CFAP61: variants seen among roughly 807,000 people sequenced by gnomAD.
CFAP61 encodes cilia- and flagella-associated protein 61.
A neutral mutation model predicts 135.6 loss-of-function variants in CFAP61; 107 were observed. That is an observed-to-expected ratio of 0.79 (90% CI 0.67 to 0.93). CFAP61 has a LOEUF of 0.93. CFAP61 is among the 40% of genes least tolerant of loss of function. The pLI, the probability that CFAP61 is intolerant of heterozygous loss-of-function variation, is 0.00. For missense variants in CFAP61, 1,507 were observed against 1,556.2 expected (o/e 0.97, Z 0.53); for synonymous variants, 575 against 578.5 (o/e 0.99, Z 0.09).
At chr20:20,320,421 T>TA (rs2057417332) in intron 25 of CFAP61, among the ~76,000 whole-genome samples, 1 of 62,442 alleles carries the variant, frequency 1.6e-5, no homozygotes, top group East Asian at 5.3e-4. Context: ...TAATATATAT[T>TA]ATATATGTAA....
chr20:20,095,440 TG>T (rs1270269344), intron 7 of CFAP61: 1 of 152,278 alleles, frequency 6.6e-6, no homozygotes, highest in Non-Finnish European at 1.5e-5. Context: ...GCAGCATGCC[TG>T]AGGGCAAGGC....
Position 20,180,246 on chromosome 20 carries a change from G to A in CFAP61, c.1386-7684G>A, listed in dbSNP as rs550698145. ...GAGGAGGCTGAGGCAGGAGAATGGC[G>A]TGAACCCGCAAGGTGGAGCTTGCAG... On this transcript the variant is annotated intron_variant, in intron 13 of 26. Coordinates refer to ENST00000245957, the MANE Select transcript of CFAP61 (RefSeq NM_015585.4). Among the ~76,000 whole-genome samples the A allele has an allele frequency of 6.7e-4, 102 of 151,864 alleles. 1 individual carries two copies. Among genetic ancestry groups the A allele is most frequent in the African/African-American group, 2.2e-3 (91 of 41,426 alleles).
In CFAP61 at chr20:20,288,950, C is replaced by T. The variant is rs1468368385; in HGVS notation, c.3124+14C>T. ...CCAAGATTCAAGGTATACGAGTAGG[C>T]TTCCTTCTCCTTGATGAAGCCACAG... On this transcript the variant is annotated intron_variant, in intron 23 of 26. Transcript: ENST00000245957. 1.9e-6 allele frequency: 3 copies of T among 1,587,010 alleles called. No homozygotes were observed. Among genetic ancestry groups the T allele is most frequent in the South Asian group, 2.2e-5 (2 of 89,328 alleles).
chr20:20,081,860 T>G (rs181529755), intron 6 of CFAP61, among the ~76,000 whole-genome samples: 1 of 152,316 alleles, frequency 6.6e-6, no homozygotes, highest in African/African-American at 2.4e-5. Flanking sequence ...GTGGGTACTT[T>G]GCAGTGAGGA....
chr20:20,090,947 G>T lies in CFAP61; in HGVS notation c.670G>T (p.Asp224Tyr), dbSNP rs1012240016. ...YFLAELIEAQ[D>Y]EENHAVVCEV... ...CCTGGCCGAACTAATAGAGGCCCAA[G>T]ATGAAGAGAATCATGCTGTTGTGTG... Residue 224 changes from aspartate to tyrosine, a missense_variant, in exon 7 of 27, where the codon GAT (aspartate) becomes TAT (tyrosine). Coordinates refer to ENST00000245957, the MANE Select transcript of CFAP61 (RefSeq NM_015585.4). 6 of 1,614,040 alleles carry T rather than the reference G, an allele frequency of 3.7e-6. No homozygotes were observed. The highest frequency in any genetic ancestry group is 1.3e-5 in the African/African-American group (1 of 74,932).
chr20:20,110,975 T>G (rs1207947224), intron 8 of CFAP61, among the ~76,000 whole-genome samples: 1 of 152,132 alleles, frequency 6.6e-6, no homozygotes, highest in Non-Finnish European at 1.5e-5. Flanking sequence ...TTGGAAACAT[T>G]AATTACTGGC....
At chr20:20,191,486 G>T in intron 15 of CFAP61, 67 bp downstream of exon 15, 1 of 1,159,102 alleles carries the variant, frequency 8.6e-7, no homozygotes. Context: ...AGCCCACAGT[G>T]CCCCTTTTGG....
chr20:20,355,678 GGGAGGTGGTCACACTGTGAGA>G (rs1329327229), intron 26 of CFAP61, among the ~76,000 whole-genome samples: 3 of 143,756 alleles, frequency 2.1e-5, no homozygotes, highest in African/African-American at 7.9e-5. Flanking sequence ...TCACACTAAG[GGGAGGTGGTCACACTGTGAGA>G]GGAGGTGGTC....
At chr20:20,327,584 A>C (rs566154977) in intron 25 of CFAP61, among the ~76,000 whole-genome samples, 1 of 152,224 alleles carries the variant, frequency 6.6e-6, no homozygotes, top group East Asian at 1.9e-4. Flanking sequence ...GGCTAAGGTC[A>C]CATGTTTGTA....
intron 13 of CFAP61, among the ~76,000 whole-genome samples, chr20:20,178,340 T>C (rs1015903205): frequency 6.6e-6 from 1 of 152,232 alleles, no homozygotes; most frequent in African/African-American, 2.4e-5. Context: ...AAACTTAATA[T>C]GGGATGAGTG....
intron 15 of CFAP61, among the ~76,000 whole-genome samples, chr20:20,193,480 G>A (rs1409074043): frequency 6.6e-6 from 1 of 151,428 alleles, no homozygotes; most frequent in Non-Finnish European, 1.5e-5. Context: ...ATTTCTTGGA[G>A]TTAGTTAATC....
chr20:20,161,414 A>G (rs576592541), intron 10 of CFAP61, among the ~76,000 whole-genome samples: 6 of 152,348 alleles, frequency 3.9e-5, no homozygotes, highest in Non-Finnish European at 7.3e-5. Flanking sequence ...GCACAAATCC[A>G]CAAAGGTGAG....
chr20:20,309,481 C>G (rs1287599362), intron 25 of CFAP61, among the ~76,000 whole-genome samples: 1 of 152,164 alleles, frequency 6.6e-6, no homozygotes, highest in Non-Finnish European at 1.5e-5. Flanking sequence ...CCCCGCACAC[C>G]TGTCTCGTAC....
intron 2 of CFAP61, among the ~76,000 whole-genome samples, chr20:20,065,655 T>G (rs2045199212): frequency 6.6e-6 from 1 of 151,066 alleles, no homozygotes; most frequent in Non-Finnish European, 1.5e-5. Flanking sequence ...GGTCTGTGTG[T>G]TTGGTTTTAT....
intron 6 of CFAP61, among the ~76,000 whole-genome samples, chr20:20,077,888 C>CT (rs1439460617): frequency 2.0e-5 from 3 of 152,142 alleles, no homozygotes; most frequent in Non-Finnish European, 4.4e-5. Flanking sequence ...GATTGTAAAT[C>CT]TTTTTTATCA....
At chr20:20,185,253 A>G (rs2055414174) in intron 13 of CFAP61, among the ~76,000 whole-genome samples, 1 of 152,250 alleles carries the variant, frequency 6.6e-6, no homozygotes, top group Non-Finnish European at 1.5e-5. Flanking sequence ...TGGGAATTTG[A>G]GTATAAGAGT....
intron 12 of CFAP61, among the ~76,000 whole-genome samples, chr20:20,166,794 T>G (rs1224534662): frequency 1.3e-5 from 2 of 152,210 alleles, no homozygotes; most frequent in African/African-American, 2.4e-5. Flanking sequence ...ATCATATTGC[T>G]TTTCTGAGGG....
chr20:20,183,162 T>TC (rs200307351), intron 13 of CFAP61, among the ~76,000 whole-genome samples: 3 of 130,998 alleles, frequency 2.3e-5, no homozygotes, highest in East Asian at 2.0e-4. Context: ...TCTTTTCTTT[T>TC]TTTTTTTTTT....
chr20:20,256,480 C>A (rs2051589685), intron 20 of CFAP61, among the ~76,000 whole-genome samples: 3 of 151,742 alleles, frequency 2.0e-5, no homozygotes, highest in African/African-American at 7.3e-5. Flanking sequence ...GATCACCTGG[C>A]CTCTGAAATG....
Sources: allele counts gnomAD v4.1 joint callset (sites outside exome capture counted in the v4.1 genomes callset), GRCh38; gene constraint gnomAD v4.1.1; transcripts MANE v1.5; gene names NCBI Gene and HGNC (gene_info 2026-07-23, HGNC 2026-07-21).